The following SLC9A4 variants were observed in gnomAD, a reference collection of about 807,000 sequenced individuals.
SLC9A4 encodes the protein solute carrier family 9 member A4, also known as sodium/hydrogen exchanger 4.
A neutral mutation model predicts 67.4 loss-of-function variants in SLC9A4; 63 were observed. The observed-to-expected ratio is 0.93, with a 90% CI of 0.76 to 1.15. The LOEUF (loss-of-function observed/expected upper bound fraction) is 1.15. Among genes scored for constraint, SLC9A4 ranks in the 50% most tolerant of loss-of-function variants. The pLI, the probability that SLC9A4 is intolerant of heterozygous loss-of-function variation, is 0.00. For synonymous variants in SLC9A4, 393 were observed against 367.2 expected (o/e 1.07, Z -0.80); for missense variants, 1,089 against 987.7 (o/e 1.10, Z -1.38).
chr2:102,490,860 C>T (rs1053453688), intron 2 of SLC9A4, among the ~76,000 whole-genome samples: 6 of 152,296 alleles, frequency 3.9e-5, no homozygotes, highest in African/African-American at 1.2e-4. Context: ...TACTACTTGC[C>T]TTTTGCTAGC....
chr2:102,478,829 T>C lies in SLC9A4; in HGVS notation c.257-10T>C, dbSNP rs764004288. The stretch of plus-strand genomic sequence containing the variant: ...TTGCAAGCACCTAACTGCTCTTCGC[T>C]GTTCTGCAGGCTTCCACCTCTACCA... On this transcript the variant is annotated splice_polypyrimidine_tract_variant and intron_variant, in intron 1 of 11. Coordinates refer to ENST00000295269, the MANE Select transcript of SLC9A4 (RefSeq NM_001011552.4). 9 of 1,611,982 alleles carry C rather than the reference T, an allele frequency of 5.6e-6. No homozygotes were observed. The highest frequency in any genetic ancestry group is 7.6e-6 in the Non-Finnish European group (9 of 1,178,864).
intron 10 of SLC9A4, among the ~76,000 whole-genome samples, chr2:102,525,414 G>A (rs1029591272): frequency 1.3e-5 from 2 of 151,690 alleles, no homozygotes; most frequent in Non-Finnish European, 2.9e-5. Flanking sequence ...CACTTGGTGT[G>A]CTATGAGTCC....
In SLC9A4 at chr2:102,508,036, C is replaced by T. The variant is rs41484147; in HGVS notation, c.1199-43C>T. The T allele has an allele frequency of 2.5e-3, 3,911 of 1,588,038 alleles. 85 individuals carry two copies. The African/African-American group carries it at 0.044, about 18-fold the overall frequency. ...AGTTCACTAGCTCTGTATCTCTGCT[C>T]GTTCATGATCCTCTGCTCTAATACA... On this transcript the variant is annotated intron_variant, in intron 4 of 11. Transcript: ENST00000295269.
chr2:102,520,222 G>A (rs1685376617), intron 9 of SLC9A4, among the ~76,000 whole-genome samples: 1 of 152,156 alleles, frequency 6.6e-6, no homozygotes, highest in South Asian at 2.1e-4. Flanking sequence ...GCAGCCTGGT[G>A]CTGTCCAGAA....
chr2:102,495,213 T>C (rs962320895), intron 2 of SLC9A4, among the ~76,000 whole-genome samples: 2 of 152,034 alleles, frequency 1.3e-5, no homozygotes, highest in African/African-American at 2.4e-5. Flanking sequence ...AAAAACAAAC[T>C]TCTAGATGTT....
Position 102,473,531 on chromosome 2 carries a change from G to C in SLC9A4, c.-229G>C. On this transcript the variant is annotated 5_prime_UTR_variant, in exon 1 of 12. Transcript: ENST00000295269. ...ACTTTAACAAGTCTATTGAATAACT[G>C]CATTTGAGTTGGAAGCTGAGTTGCC... 1 of 550,060 alleles carries C rather than the reference G, an allele frequency of 1.8e-6. No individual in the cohort carries two copies. Among genetic ancestry groups the C allele is most frequent in the Admixed American group, 3.4e-5 (1 of 29,682 alleles). 34.1% of individuals were successfully genotyped at this position (550,060 alleles called of 1,614,324 possible).
intron 8 of SLC9A4, among the ~76,000 whole-genome samples, chr2:102,517,485 T>C (rs1402864578): frequency 6.6e-6 from 1 of 152,174 alleles, no homozygotes; most frequent in African/African-American, 2.4e-5. Context: ...AGAGGTTGAT[T>C]GATGAGAACA....
At chr2:102,520,221 T>C (rs1172338254) in intron 9 of SLC9A4, among the ~76,000 whole-genome samples, 3 of 152,132 alleles carry the variant, frequency 2.0e-5, no homozygotes, top group Non-Finnish European at 4.4e-5. Flanking sequence ...TGCAGCCTGG[T>C]GCTGTCCAGA....
At position 102,514,090 on chromosome 2, in the gene SLC9A4, G is replaced by T. The variant is rs1358205365; in HGVS notation, c.1560G>T (p.Lys520Asn). Residue 520 changes from lysine to asparagine, a missense_variant and splice_region_variant, in exon 8 of 12, where the codon AAG (lysine) becomes AAT (asparagine). Coordinates refer to ENST00000295269, the MANE Select transcript of SLC9A4 (RefSeq NM_001011552.4). ...GHWSHYQVRD[K>N]FKKFDHRYLR... ...CCAAAATGTTGGTTTTCATTTTTAG[G>T]TTTAAGAAGTTTGATCATAGATACT... The T allele has an allele frequency of 1.2e-6, 2 of 1,611,442 alleles. No homozygotes were observed. The highest frequency in any genetic ancestry group is 8.5e-7 in the Non-Finnish European group (1 of 1,179,206).
intron 2 of SLC9A4, among the ~76,000 whole-genome samples, chr2:102,492,985 A>G (rs1684734856): frequency 6.6e-6 from 1 of 152,342 alleles, no homozygotes; most frequent in East Asian, 1.9e-4. Context: ...TTGTTAAAAC[A>G]TAAAGAGAAT....
intron 7 of SLC9A4, among the ~76,000 whole-genome samples, chr2:102,513,692 CA>C (rs1428521187): frequency 6.6e-6 from 1 of 152,186 alleles, no homozygotes; most frequent in African/African-American, 2.4e-5. Flanking sequence ...ACTGTAAGTG[CA>C]GCTGCCGCTG....
chr2:102,522,727 T>A (rs530692320), intron 9 of SLC9A4, among the ~76,000 whole-genome samples: 1 of 152,354 alleles, frequency 6.6e-6, no homozygotes, highest in South Asian at 2.1e-4. Flanking sequence ...CACGACAGTG[T>A]CATGTTACCA....
At chr2:102,503,935 G>T (rs1684997361) in intron 3 of SLC9A4, among the ~76,000 whole-genome samples, 1 of 152,216 alleles carries the variant, frequency 6.6e-6, no homozygotes, top group Non-Finnish European at 1.5e-5. Flanking sequence ...GAGGAGGAAA[G>T]CATAGCAATT....
chr2:102,516,534 T>C (rs977625708), intron 8 of SLC9A4, among the ~76,000 whole-genome samples: 3 of 152,308 alleles, frequency 2.0e-5, no homozygotes, highest in East Asian at 3.9e-4. Context: ...TGCACAGGTA[T>C]TTTTTTCTTT....
chr2:102,505,531 C>T, intron 4 of SLC9A4, 60 bp downstream of exon 4: 1 of 1,528,372 alleles, frequency 6.5e-7, no homozygotes, highest in Middle Eastern at 1.7e-4. Context: ...TCTCTTATTC[C>T]CTTCCGCAAT....
intron 2 of SLC9A4, among the ~76,000 whole-genome samples, chr2:102,492,653 C>T (rs1684728274): frequency 6.6e-6 from 1 of 152,190 alleles, no homozygotes; most frequent in Non-Finnish European, 1.5e-5. Flanking sequence ...GGCCTCCAGC[C>T]ATGTGATGGG....
chr2:102,489,000 AT>A (rs1684646247), intron 2 of SLC9A4, among the ~76,000 whole-genome samples: 3 of 152,326 alleles, frequency 2.0e-5, no homozygotes, highest in African/African-American at 7.2e-5. Context: ...TTGTTCCACT[AT>A]GCCAGAGCAA....
In SLC9A4 at chr2:102,478,993, C is replaced by T. The variant is rs372447447; in HGVS notation, c.411C>T (p.Pro137=). Residue 137 remains proline, a synonymous_variant, in exon 2 of 12, where the codon CCC becomes CCT. Transcript: ENST00000295269. The stretch of plus-strand genomic sequence containing the variant: ...TCTACTTCCTGTATCTCCTGCCACC[C>T]ATCGTTCTGGAGGGCGGCTACTTCA... ...SSIYFLYLLP[P]IVLEGGYFMP... is the part of the protein sequence containing the mutation. The T allele has an allele frequency of 1.9e-6, 3 of 1,614,218 alleles. No individual in the cohort carries two copies. In the South Asian group the frequency reaches 3.3e-5, roughly 18 times the overall value.
At chr2:102,487,770 A>G (rs2080316) in intron 2 of SLC9A4, among the ~76,000 whole-genome samples, 15,662 of 152,214 alleles carry the variant, frequency 0.1, 1,032 homozygotes, top group Middle Eastern at 0.18. Flanking sequence ...TTGTCAGGAG[A>G]TGGGGTTGAG....
Sources: allele counts gnomAD v4.1 joint callset (sites outside exome capture counted in the v4.1 genomes callset), GRCh38; gene constraint gnomAD v4.1.1; transcripts MANE v1.5; gene names NCBI Gene and HGNC (gene_info 2026-07-23, HGNC 2026-07-21).